Variants in CBR4 observed in about 807,000 individuals in gnomAD.
CBR4 encodes carbonyl reductase 4, also known as 3-oxoacyl-[acyl-carrier-protein] reductase.
In CBR4, 22 loss-of-function variants were observed where a neutral mutation model predicts 21.0. The ratio of observed to expected loss-of-function variants is 1.05; its 90% confidence interval spans 0.75 to 1.50. The LOEUF (loss-of-function observed/expected upper bound fraction) is 1.50, where lower values mean the gene tolerates loss of function less well. Among genes scored for constraint, CBR4 ranks in the 40% most tolerant of loss-of-function variants. The pLI is 0.00. For synonymous variants in CBR4, 100 were observed against 104.4 expected, an observed-to-expected ratio of 0.96 and a Z score of 0.26; for missense variants, 302 against 286.3, an observed-to-expected ratio of 1.05 and a Z score of -0.40.
chr4:168,932,297 A>T (rs2126656860), intron 2 of CBR4, among the ~76,000 whole-genome samples: 1 of 152,112 alleles, frequency 6.6e-6, no homozygotes, highest in South Asian at 2.1e-4. Flanking sequence ...TGAATAAAAT[A>T]AAAAATGCAA....
At chr4:168,939,551 T>C (rs1763204896) in intron 2 of CBR4, among the ~76,000 whole-genome samples, 2 of 152,156 alleles carry the variant, frequency 1.3e-5, no homozygotes, top group Admixed American at 1.3e-4. Context: ...AAAACCCCAT[T>C]ATCTCAGTCC....
rs1764757496 is a variant in CBR4, at chr4:168,988,203, G to A, written c.*1947C>T. On this transcript the variant is annotated 3_prime_UTR_variant, in exon 5 of 5. Transcript: ENST00000306193. ...GGGAGTGGGCGGATTCACCTGGAGT[G>A]GAGCAGTGAAGGTTTATTTTACCTC... The A allele has an allele frequency of 1.0e-6, 1 of 985,274 alleles. No individual in the cohort carries two copies. The highest frequency in any genetic ancestry group is 1.2e-6 in the Non-Finnish European group (1 of 829,932). 61.0% of individuals were successfully genotyped at this position (985,274 alleles called of 1,614,324 possible).
chr4:168,989,425 GCTGCTCAAT>G lies in CBR4; in HGVS notation c.*716_*724del. On this transcript the variant is annotated 3_prime_UTR_variant, in exon 5 of 5. Coordinates refer to ENST00000306193, the MANE Select transcript of CBR4 (RefSeq NM_032783.5). Reference sequence around the variant, plus strand: ...TTAAATTTGCAGATTATTTTGTCTAGCTGCTCAATCAAGAGAAATACCACTCAAAGAAAT... The same window carrying G: ...TTAAATTTGCAGATTATTTTGTCTAGCAAGAGAAATACCACTCAAAGAAAT... 1 of 985,348 alleles carries G rather than the reference GCTGCTCAAT, an allele frequency of 1.0e-6. No individual in the cohort carries two copies. The highest frequency in any genetic ancestry group is 1.2e-6 in the Non-Finnish European group (1 of 829,902). 61.0% of individuals were successfully genotyped at this position (985,348 alleles called of 1,614,324 possible).
At chr4:168,962,691 T>C (rs572440700) in intron 2 of CBR4, among the ~76,000 whole-genome samples, 19 of 152,318 alleles carry the variant, frequency 1.2e-4, no homozygotes, top group African/African-American at 3.4e-4. Context: ...AGTGAAGATA[T>C]ACTTGGATAT....
chr4:168,913,097 C>T (rs1380738412), intron 2 of CBR4, among the ~76,000 whole-genome samples: 6 of 151,218 alleles, frequency 4.0e-5, no homozygotes, highest in African/African-American at 1.2e-4. Context: ...TTTTATCATG[C>T]TCATTTTAAT....
At chr4:168,907,432 T>C (rs1758028422) in intron 2 of CBR4, among the ~76,000 whole-genome samples, 1 of 152,146 alleles carries the variant, frequency 6.6e-6, no homozygotes, top group African/African-American at 2.4e-5. Flanking sequence ...TTCCATTTTA[T>C]CACCTCCATG....
chr4:168,894,845 C>T, intron 2 of CBR4: 3 of 1,076,048 alleles, frequency 2.8e-6, no homozygotes, highest in Non-Finnish European at 4.0e-6. Context: ...TTATTGAGCA[C>T]ATACTATGTT....
At position 168,987,701 on chromosome 4, in the gene CBR4, T is replaced by A; in HGVS notation, c.*2449A>T. 1.0e-6 allele frequency: 1 copy of A among 983,560 alleles called. No individual in the cohort carries two copies. Among genetic ancestry groups the A allele is most frequent in the Non-Finnish European group, 1.2e-6 (1 of 828,216 alleles). The allele number at this position is 983,560 out of a possible 1,614,324, so 60.9% of individuals were successfully genotyped here. A position where few individuals can be genotyped will look rare whatever the true frequency, so the allele number is the denominator to read the frequency against. ...TTTTGAAAATCTTAGAAAAAATGTT[T>A]CACCAATGTTAAGGTACAACTCTTG... is the stretch of plus-strand genomic sequence containing the variant. On this transcript the variant is annotated 3_prime_UTR_variant, in exon 5 of 5. Transcript: ENST00000306193.
intron 3 of CBR4, among the ~76,000 whole-genome samples, chr4:169,004,919 A>G (rs563049673): frequency 9.2e-5 from 14 of 152,356 alleles, no homozygotes; most frequent in Non-Finnish European, 2.9e-5. Context: ...CTTGCAAAAC[A>G]GAAGTGGGGA....
intron 2 of CBR4, among the ~76,000 whole-genome samples, chr4:168,942,234 G>A (rs962346341): frequency 1.3e-5 from 2 of 151,886 alleles, no homozygotes; most frequent in Admixed American, 1.3e-4. Flanking sequence ...GGCCTGTTGG[G>A]GGGTGGGGAG....
chr4:168,907,566 G>A (rs1758065855), intron 2 of CBR4, among the ~76,000 whole-genome samples: 1 of 152,162 alleles, frequency 6.6e-6, no homozygotes. Context: ...CACACATGAA[G>A]CTGGGAAGCT....
chr4:168,948,497 A>G (rs1168420891), intron 2 of CBR4, among the ~76,000 whole-genome samples: 1 of 152,208 alleles, frequency 6.6e-6, no homozygotes. Context: ...TTATGGTTTC[A>G]GGTCTTAGAT....
intron 4 of CBR4, among the ~76,000 whole-genome samples, chr4:168,992,141 C>T (rs879436399): frequency 1.2e-4 from 19 of 152,178 alleles, no homozygotes; most frequent in Non-Finnish European, 2.8e-4. Flanking sequence ...ACAGATTTGT[C>T]TATCATGAAG....
rs78769983 is a variant in CBR4 at position 168,921,127 on chromosome 4, C to A, written n.170-26362G>T. Among the ~76,000 whole-genome samples the A allele has an allele frequency of 1.6e-3, 249 of 152,112 alleles. 8 individuals are homozygous for A. The East Asian group carries it at 0.04, about 24-fold the overall frequency. ...CTGATACTAAAAGCCATCTCTTGGC[C>A]CGGTGCAATGGCTCATGCTTGTAAT... On this transcript the variant is annotated intron_variant and non_coding_transcript_variant, in intron 2 of 3. Coordinates refer to the CBR4 transcript ENST00000509108.
intron 2 of CBR4, among the ~76,000 whole-genome samples, chr4:168,938,662 T>A (rs1763178216): frequency 1.3e-5 from 2 of 152,142 alleles, no homozygotes; most frequent in South Asian, 4.1e-4. Context: ...CAAACTACCA[T>A]CAGGGAATCC....
In CBR4 at chr4:168,915,987, T is replaced by G. The variant is rs1470434769; in HGVS notation, n.170-21222A>C. 6.2e-7 allele frequency: 1 copy of G among 1,613,908 alleles called. No individual in the cohort carries two copies. Among genetic ancestry groups the G allele is most frequent in the East Asian group, 2.2e-5 (1 of 44,878 alleles). On this transcript the variant is annotated intron_variant and non_coding_transcript_variant, in intron 2 of 3. Coordinates refer to the CBR4 transcript ENST00000509108. ...CACTTCTTGCAGGCTCCTGGAGATC[T>G]GACTGTTCAAGAAGGAAAACTCTGC...
intron 2 of CBR4, among the ~76,000 whole-genome samples, chr4:168,914,782 A>G (rs1235068533): frequency 6.6e-6 from 1 of 152,230 alleles, no homozygotes; most frequent in Non-Finnish European, 1.5e-5. Flanking sequence ...AGTGAAGAGA[A>G]TACATAGTTA....
At chr4:168,896,440 C>T (rs995872279) in intron 2 of CBR4, 1 of 707,862 alleles carries the variant, frequency 1.4e-6, no homozygotes, top group African/African-American at 1.8e-5. Flanking sequence ...CCGTTACTAC[C>T]AAACGCATAT....
intron 3 of CBR4, among the ~76,000 whole-genome samples, chr4:169,005,072 T>G (rs960893424): frequency 3.3e-5 from 5 of 152,240 alleles, no homozygotes; most frequent in African/African-American, 1.2e-4. Context: ...ATTAGAATAT[T>G]TATCTACATT....
Sources: gnomAD v4.1 joint callset for allele counts (sites outside exome capture counted in the v4.1 genomes callset) on GRCh38, gnomAD v4.1.1 for gene constraint, MANE v1.5 for transcripts, NCBI Gene and HGNC (gene_info 2026-07-23, HGNC 2026-07-21) for gene names.